MZF1: variants seen among roughly 807,000 people sequenced by gnomAD.
MZF1 encodes myeloid zinc finger 1.
A neutral mutation model predicts 28.6 loss-of-function variants in MZF1; 24 were observed. The ratio of observed to expected loss-of-function variants is 0.84; its 90% CI spans 0.61 to 1.18. The LOEUF is 1.18. Ranked by LOEUF, MZF1 falls within the 50% of genes most tolerant of loss-of-function variation. The pLI is 0.00. For missense variants in MZF1, 1,166 were observed against 1,026.4 expected, an observed-to-expected ratio of 1.14 and a Z score of -1.86; for synonymous variants, 516 against 432.5, an observed-to-expected ratio of 1.19 and a Z score of -2.40.
At position 58,562,166 on chromosome 19, in the gene MZF1, C is replaced by T. The variant is rs149604450; in HGVS notation, c.2111G>A (p.Arg704Gln). The change falls in exon 6 of 6, where the codon CGA (arginine) becomes CAA (glutamine). Residue 704 changes from arginine (R) to glutamine (Q), a missense_variant. Physicochemically the swap from Arg to Gln is conservative, Grantham distance 43. Transcript: ENST00000215057. ...CTGGCAGGCGAAGGGCTTCTCTCGT[C>T]GGTGGGTGCGCAGATGCTGCGTGAG... is the stretch of plus-strand genomic sequence containing the variant. ...PTLTQHLRTH[R>Q]REKPFACQDC... The T allele has an allele frequency of 1.1e-5, 18 of 1,597,330 alleles. No individual in the cohort carries two copies. Among genetic ancestry groups the T allele is most frequent in the African/African-American group, 2.7e-5 (2 of 74,504 alleles).
intron 5 of MZF1, among the ~76,000 whole-genome samples, chr19:58,567,287 G>A (rs1235780824): frequency 6.6e-6 from 1 of 152,230 alleles, no homozygotes; most frequent in African/African-American, 2.4e-5. Context: ...CACCAGCCAG[G>A]CTGGAGAGGC....
rs1366782156 is a variant in MZF1 at position 58,562,763 on chromosome 19, G to T, written c.1514C>A (p.Ala505Glu). The change falls in exon 6 of 6, where the codon GCG becomes GAG. Residue 505 changes from alanine to glutamate, a missense_variant. By Grantham distance (107) the Ala-to-Glu change is moderately radical. Transcript: ENST00000215057. Reference sequence around the variant, plus strand: ...AAAGGACTTGTCGCCCGTGTGTACCGCCTGGTGCTCCAGCAGCACGGCGCG... The same window carrying T: ...AAAGGACTTGTCGCCCGTGTGTACCTCCTGGTGCTCCAGCAGCACGGCGCG... ...ARRAVLLEHQAVHTGDKSFGC... is the reference protein window; with the variant it reads ...ARRAVLLEHQEVHTGDKSFGC... 3.9e-6 allele frequency: 6 copies of T among 1,535,324 alleles called. No homozygotes were observed. Among genetic ancestry groups the T allele is most frequent in the Non-Finnish European group, 4.4e-6 (5 of 1,146,902 alleles).
chr19:58,562,698 C>G lies in MZF1; in HGVS notation c.1579G>C (p.Val527Leu). The G allele has an allele frequency of 6.5e-7, 1 of 1,536,142 alleles. No homozygotes were observed. The highest frequency in any genetic ancestry group is 8.7e-7 in the Non-Finnish European group (1 of 1,147,558). The change falls in exon 6 of 6, where the codon GTG becomes CTG. Residue 527 changes from valine to leucine, a missense_variant. Transcript: ENST00000215057. ...TGCACGCGCCGGTGCTGCAGCAGCA[C>G]TGAGCGGCGGCCGAAGCGCTCGCCG... Reference protein sequence around the residue: ...ECGERFGRRSVLLQHRRVHSG... With the variant: ...ECGERFGRRSLLLQHRRVHSG...
rs777924212 is a variant in MZF1 at position 58,571,381 on chromosome 19, A to G, written c.9T>C (p.Pro3=). 6 of 1,613,964 alleles carry G rather than the reference A, an allele frequency of 3.7e-6. No homozygotes were observed. The African/African-American group carries it at 6.7e-5, about 18-fold the overall frequency. The part of the protein sequence containing the change: MR[P]AVLGSPDRAP... ...CTCGGTCTGGGGAGCCCAGCACCGC[A>G]GGCCTCATAGAGGGTACCAGGTCAG... The change falls in exon 2 of 6, where the codon CCT becomes CCC. Residue 3 remains proline (P), a synonymous_variant. Transcript: ENST00000215057.
chr19:58,569,509 G>A lies in MZF1; in HGVS notation c.651+7C>T, dbSNP rs1225236713. Reference sequence around the variant, plus strand: ...AGGAGGAGAACATGGACCTGGGCAGGACTTACCTGGGCCTCCTCAGGCAGG... The same window carrying A: ...AGGAGGAGAACATGGACCTGGGCAGAACTTACCTGGGCCTCCTCAGGCAGG... On this transcript the variant is annotated splice_region_variant and intron_variant, in intron 4 of 5. Transcript: ENST00000215057. The A allele has an allele frequency of 1.2e-6, 2 of 1,612,142 alleles. No individual in the cohort carries two copies. Among genetic ancestry groups the A allele is most frequent in the East Asian group, 4.5e-5 (2 of 44,874 alleles).
intron 3 of MZF1, chr19:58,569,812 T>G (rs1312124142): frequency 1.9e-6 from 1 of 528,226 alleles, no homozygotes; most frequent in Non-Finnish European, 3.4e-6. Flanking sequence ...GGGCTGAGGT[T>G]TGTGCCCCTG....
chr19:58,570,905 G>C (rs979824634), intron 2 of MZF1, 89 bp downstream of exon 2: 1 of 1,397,902 alleles, frequency 7.2e-7, no homozygotes, highest in Non-Finnish European at 9.7e-7. Context: ...AAGGGAGAAC[G>C]TGTGTCTGGC....
intron 5 of MZF1, among the ~76,000 whole-genome samples, chr19:58,566,002 G>A (rs1222648039): frequency 1.3e-5 from 2 of 151,458 alleles, no homozygotes; most frequent in South Asian, 2.1e-4. Context: ...TTAGCCAGGC[G>A]TGGTGGCCGG....
At chr19:58,565,063 G>A (rs2054020422) in intron 5 of MZF1, among the ~76,000 whole-genome samples, 1 of 150,842 alleles carries the variant, frequency 6.6e-6, no homozygotes, top group Non-Finnish European at 1.5e-5. Context: ...TGGGATTATA[G>A]GCGTGCACCA....
At chr19:58,569,686 T>C (rs2037656555) in intron 3 of MZF1, 100 bp from the exon 4 acceptor site, 4 of 1,094,222 alleles carry the variant, frequency 3.7e-6, no homozygotes, top group Non-Finnish European at 5.2e-6. Context: ...GGTGGGATTC[T>C]TGGTTGTGGG....
intron 5 of MZF1, 197 bp from the exon 6 acceptor site, chr19:58,563,701 A>C: frequency 1.9e-6 from 1 of 534,248 alleles, no homozygotes; most frequent in East Asian, 3.1e-5. Flanking sequence ...AACCCAGCAC[A>C]AGGAGGAAGA....
At position 58,562,206 on chromosome 19, in the gene MZF1, G is replaced by C. The variant is rs1316729859; in HGVS notation, c.2071C>G (p.Arg691Gly). Residue 691 changes from arginine to glycine, a missense_variant, in exon 6 of 6, where the codon CGC (arginine) becomes GGC (glycine). By Grantham distance (125) the Arg-to-Gly change is moderately radical. Transcript: ENST00000215057. ...TGCTGCGTGAGCGTGGGCCGCTGGCGGAAGGCCTTGCCACACTCAGGGCAT... is the reference window on the plus strand; with the variant it reads ...TGCTGCGTGAGCGTGGGCCGCTGGCCGAAGGCCTTGCCACACTCAGGGCAT... ...YACPECGKAFRQRPTLTQHLR... is the reference protein window; with the variant it reads ...YACPECGKAFGQRPTLTQHLR... The C allele has an allele frequency of 2.5e-6, 4 of 1,608,582 alleles. No homozygotes were observed. The highest frequency in any genetic ancestry group is 2.5e-6 in the Non-Finnish European group (3 of 1,179,282).
intron 3 of MZF1, 53 bp from the exon 4 acceptor site, chr19:58,569,639 CCTT>C (rs1321900186): frequency 4.5e-5 from 65 of 1,436,946 alleles, no homozygotes; most frequent in Non-Finnish European, 5.9e-5. Flanking sequence ...ACCCCACTGC[CCTT>C]CTTAGTGGTG....
At chr19:58,572,659 G>A (rs1190832253) in intron 1 of MZF1, 1 of 1,283,814 alleles carries the variant, frequency 7.8e-7, no homozygotes, top group South Asian at 1.2e-5. Context: ...TCGATTTCGA[G>A]GGCCGCCTCA....
chr19:58,563,221 C>T lies in MZF1; in HGVS notation c.1056G>A (p.Val352=), dbSNP rs368916586. 54 of 1,610,568 alleles carry T rather than the reference C, an allele frequency of 3.4e-5. No homozygotes were observed. In the African/African-American group the frequency reaches 6.4e-4, roughly 19 times the overall value. Residue 352 remains valine (V), a synonymous_variant, in exon 6 of 6, where the codon GTG becomes GTA. Transcript: ENST00000215057. ...ATACATCGCAACGGCCGCCCCTAACCACCCCGCCCCCAGTGCTGGGGCGGC... is the reference window on the plus strand; with the variant it reads ...ATACATCGCAACGGCCGCCCCTAACTACCCCGCCCCCAGTGCTGGGGCGGC... ...SRGRPSTGGG[V]VRGGRCDVCG...
In MZF1 at chr19:58,571,155, A is replaced by G. The variant is rs368879889; in HGVS notation, c.235T>C (p.Ser79Pro). 1 of 1,614,012 alleles carries G rather than the reference A, an allele frequency of 6.2e-7. No homozygotes were observed. The highest frequency in any genetic ancestry group is 1.3e-5 in the African/African-American group (1 of 75,058). Reference sequence around the variant, plus strand: ...AACAGCTCCAGCATCTGCTCCTTGGAGCGTACCTCTGGACGCAGCCACTGG... The same window carrying G: ...AACAGCTCCAGCATCTGCTCCTTGGGGCGTACCTCTGGACGCAGCCACTGG... The part of the protein sequence containing the change: ...CRQWLRPEVR[S>P]KEQMLELLVL... The change falls in exon 2 of 6, where the codon TCC (serine) becomes CCC (proline). Residue 79 changes from serine (S) to proline (P), a missense_variant. Physicochemically the swap from Ser to Pro is moderately conservative, Grantham distance 74 (BLOSUM62 -1). Coordinates refer to ENST00000215057, the MANE Select transcript of MZF1 (RefSeq NM_198055.2).
chr19:58,562,995 C>G lies in MZF1; in HGVS notation c.1282G>C (p.Glu428Gln). Reference sequence around the variant, plus strand: ...CCCGTGTGCACTCTCCGATGCTCTTCCAGGCGCGCGCTGCGCACGAAGCCC... The same window carrying G: ...CCCGTGTGCACTCTCCGATGCTCTTGCAGGCGCGCGCTGCGCACGAAGCCC... ...GQGFVRSARL[E>Q]EHRRVHTGEQ... Residue 428 changes from glutamate (E) to glutamine (Q), a missense_variant, in exon 6 of 6, where the codon GAA becomes CAA. Coordinates refer to ENST00000215057, the MANE Select transcript of MZF1 (RefSeq NM_198055.2). 1.2e-6 allele frequency: 2 copies of G among 1,602,006 alleles called. No individual in the cohort carries two copies. The highest frequency in any genetic ancestry group is 1.7e-6 in the Non-Finnish European group (2 of 1,179,656).
intron 5 of MZF1, chr19:58,563,729 G>A (rs2053984869): frequency 2.1e-6 from 1 of 470,798 alleles, no homozygotes; most frequent in African/African-American, 2.0e-5. Flanking sequence ...ATGTGAAAAA[G>A]CTTTCTAGGT....
chr19:58,561,990 T>C lies in MZF1; in HGVS notation c.*82A>G, dbSNP rs1005949373. On this transcript the variant is annotated 3_prime_UTR_variant, in exon 6 of 6. Coordinates refer to ENST00000215057, the MANE Select transcript of MZF1 (RefSeq NM_198055.2). ...GCCAAGCCCTGGGCGGACCTGCTTATACTTATGTAATCGCCAGCCTCACAA... is the reference window on the plus strand; with the variant it reads ...GCCAAGCCCTGGGCGGACCTGCTTACACTTATGTAATCGCCAGCCTCACAA... 2 of 1,419,322 alleles carry C rather than the reference T, an allele frequency of 1.4e-6. No homozygotes were observed. Among genetic ancestry groups the C allele is most frequent in the Non-Finnish European group, 1.9e-6 (2 of 1,053,352 alleles). The allele number at this position is 1,419,322 out of a possible 1,614,324, so 87.9% of individuals were successfully genotyped here.
Sources: gnomAD v4.1 joint callset for allele counts (sites outside exome capture counted in the v4.1 genomes callset) on GRCh38, gnomAD v4.1.1 for gene constraint, MANE v1.5 for transcripts, NCBI Gene and HGNC (gene_info 2026-07-23, HGNC 2026-07-21) for gene names.